MME: variants seen among roughly 807,000 people sequenced by gnomAD.
MME encodes membrane metalloendopeptidase, also known as neprilysin.
In MME, 98 loss-of-function variants were observed where a neutral mutation model predicts 113.2. That is an observed-to-expected ratio of 0.87 (90% CI 0.74 to 1.02). The LOEUF is 1.02. Ranked by LOEUF, MME falls within the 50% of genes least tolerant of loss-of-function variation. MME has a pLI of 0.00. For synonymous variants in MME, 292 were observed against 300.6 expected, an observed-to-expected ratio of 0.97 and a Z score of 0.30; for missense variants, 836 against 896.0, an observed-to-expected ratio of 0.93 and a Z score of 0.86.
intron 7 of MME, 52 bp from the exon 8 acceptor site, chr3:155,118,694 C>T: frequency 8.1e-7 from 1 of 1,238,796 alleles, no homozygotes; most frequent in Non-Finnish European, 1.2e-6. Context: ...ATTTTTCAAA[C>T]TTTTCTATAT....
At chr3:155,099,396 T>C (rs1340421191) in intron 3 of MME, among the ~76,000 whole-genome samples, 2 of 152,234 alleles carry the variant, frequency 1.3e-5, no homozygotes, top group Admixed American at 6.5e-5. Context: ...AATCTTCCTT[T>C]AATCTTACAT....
chr3:155,138,682 G>A (rs1720827786), intron 9 of MME, among the ~76,000 whole-genome samples: 2 of 152,142 alleles, frequency 1.3e-5, no homozygotes, highest in Admixed American at 6.5e-5. Flanking sequence ...TAGCCATGTG[G>A]CAATGTGATA....
intron 3 of MME, among the ~76,000 whole-genome samples, chr3:155,089,011 T>C (rs1716041990): frequency 6.6e-6 from 1 of 152,186 alleles, no homozygotes; most frequent in African/African-American, 2.4e-5. Context: ...TTCAAATCTG[T>C]TTGGTGTTAC....
intron 1 of MME, among the ~76,000 whole-genome samples, chr3:155,034,804 A>G (rs1255514912): frequency 1.3e-5 from 2 of 152,220 alleles, no homozygotes; most frequent in Non-Finnish European, 2.9e-5. Flanking sequence ...TCTGTTAGTC[A>G]GTTTGGAAAT....
intron 1 of MME, among the ~76,000 whole-genome samples, chr3:155,038,668 A>G (rs1319537479): frequency 6.6e-6 from 1 of 152,210 alleles, no homozygotes; most frequent in Non-Finnish European, 1.5e-5. Flanking sequence ...TGCAGATAGT[A>G]CTGAACCCTG....
intron 1 of MME, among the ~76,000 whole-genome samples, chr3:155,028,908 A>G (rs2108112068): frequency 6.6e-6 from 1 of 152,314 alleles, no homozygotes; most frequent in East Asian, 1.9e-4. Context: ...TTGGGGAAGT[A>G]CAGCAAATAT....
chr3:155,182,216 G>A lies in MME; in HGVS notation c.*1757G>A, dbSNP rs1713163166. 6.6e-6 allele frequency: 1 copy of A among 152,156 alleles called. No homozygotes were observed. Among genetic ancestry groups the A allele is most frequent in the Admixed American group, 6.6e-5 (1 of 15,264 alleles). The allele number at this position is 152,156 out of a possible 1,614,324, so 9.4% of individuals were successfully genotyped here. A position where few individuals can be genotyped will look rare whatever the true frequency, so the allele number is the denominator to read the frequency against. On this transcript the variant is annotated 3_prime_UTR_variant, in exon 23 of 23. Coordinates refer to ENST00000360490, the MANE Select transcript of MME (RefSeq NM_007289.4). Reference sequence around the variant, plus strand: ...GCTTCTTTCTCTCAGCCTTACATTTGTGAGATTCCTCTGTATTGTGCTGAT... The same window carrying A: ...GCTTCTTTCTCTCAGCCTTACATTTATGAGATTCCTCTGTATTGTGCTGAT...
intron 1 of MME, among the ~76,000 whole-genome samples, chr3:155,061,661 G>GTTTT (rs1194964540): frequency 1.5e-5 from 2 of 133,732 alleles, no homozygotes; most frequent in African/African-American, 2.8e-5. Context: ...TTATCTGTAG[G>GTTTT]TTTTTTTTTT....
chr3:155,136,755 C>T (rs544620335), intron 8 of MME, among the ~76,000 whole-genome samples: 1 of 152,242 alleles, frequency 6.6e-6, no homozygotes, highest in South Asian at 2.1e-4. Flanking sequence ...TATGGATGTT[C>T]CTTCCACTTC....
At chr3:155,058,171 C>G (rs1237421942) in intron 1 of MME, among the ~76,000 whole-genome samples, 1 of 152,098 alleles carries the variant, frequency 6.6e-6, no homozygotes, top group Non-Finnish European at 1.5e-5. Context: ...TAAATTCATA[C>G]AGCAAGTCAA....
rs778238089 is a variant in MME at position 155,116,467 on chromosome 3, G to A, written c.359-12G>A. Reference sequence around the variant, plus strand: ...ATTATGTTGATGCATTTTATTAAATGTCCTATTTCAGATGTCCTTCAAGAA... The same window carrying A: ...ATTATGTTGATGCATTTTATTAAATATCCTATTTCAGATGTCCTTCAAGAA... On this transcript the variant is annotated splice_polypyrimidine_tract_variant and intron_variant, in intron 4 of 22. Coordinates refer to ENST00000360490, the MANE Select transcript of MME (RefSeq NM_007289.4). The A allele has an allele frequency of 6.3e-7, 1 of 1,577,386 alleles. No homozygotes were observed. Among genetic ancestry groups the A allele is most frequent in the Non-Finnish European group, 8.7e-7 (1 of 1,146,974 alleles).
At chr3:155,127,004 T>C (rs1251881689) in intron 8 of MME, among the ~76,000 whole-genome samples, 6 of 128,406 alleles carry the variant, frequency 4.7e-5, no homozygotes, top group Admixed American at 1.7e-4. Flanking sequence ...CGAAACTCCA[T>C]CTCAAAAAAA....
chr3:155,114,907 A>G (rs1718469750), intron 3 of MME, 87 bp from the exon 4 acceptor site: 1 of 1,375,990 alleles, frequency 7.3e-7, no homozygotes, highest in Non-Finnish European at 1.0e-6. Flanking sequence ...TGATGCAATC[A>G]AAAGGGAGCA....
Position 155,182,256 on chromosome 3 carries a change from T to G in MME, c.*1797T>G, listed in dbSNP as rs201975248. The G allele has an allele frequency of 6.6e-6, 1 of 152,244 alleles. No individual in the cohort carries two copies. Among genetic ancestry groups the G allele is most frequent in the Non-Finnish European group, 1.5e-5 (1 of 68,044 alleles). The allele number at this position is 152,244 out of a possible 1,614,324, so 9.4% of individuals were successfully genotyped here. A position where few individuals can be genotyped will look rare whatever the true frequency, so the allele number is the denominator to read the frequency against. ...ATTGTGCTGATTGTGGATCTTTTCA[T>G]TCTCATTGCAGAATAATGTTCTATT... On this transcript the variant is annotated 3_prime_UTR_variant, in exon 23 of 23. Coordinates refer to ENST00000360490, the MANE Select transcript of MME (RefSeq NM_007289.4).
chr3:155,090,491 A>G (rs1716193692), intron 3 of MME: 1 of 152,216 alleles, frequency 6.6e-6, no homozygotes, highest in Non-Finnish European at 1.5e-5. Flanking sequence ...AATAAAAAAT[A>G]AAACGATTAT....
At chr3:155,068,258 C>A (rs1335503432) in intron 1 of MME, among the ~76,000 whole-genome samples, 1 of 152,100 alleles carries the variant, frequency 6.6e-6, no homozygotes, top group Non-Finnish European at 1.5e-5. Flanking sequence ...GAGAGGCAAT[C>A]AATGGTTGCC....
intron 1 of MME, among the ~76,000 whole-genome samples, chr3:155,056,840 T>C (rs1300984109): frequency 1.3e-5 from 2 of 152,136 alleles, no homozygotes; most frequent in Non-Finnish European, 2.9e-5. Flanking sequence ...AAACAAGCAA[T>C]GGGGAAAGGA....
At chr3:155,029,782 A>G (rs1289608720) in intron 1 of MME, among the ~76,000 whole-genome samples, 1 of 152,140 alleles carries the variant, frequency 6.6e-6, no homozygotes, top group Non-Finnish European at 1.5e-5. Flanking sequence ...ACGAAAAGGC[A>G]TTTGAGTTAG....
In MME at chr3:155,116,490, G is replaced by A. The variant is rs58186318; in HGVS notation, c.370G>A (p.Glu124Lys). The change falls in exon 5 of 23, where the codon GAA becomes AAA. Residue 124 changes from glutamate to lysine, a missense_variant. Glu to Lys is a moderately conservative substitution (Grantham distance 56). Transcript: ENST00000360490. ...LEVVLKDVLQ[E>K]PKTEDIVAVQ... ...ATGTCCTATTTCAGATGTCCTTCAA[G>A]AACCCAAAACTGAAGATATAGTAGC... 2 of 1,610,986 alleles carry A rather than the reference G, an allele frequency of 1.2e-6. No homozygotes were observed. Among genetic ancestry groups the A allele is most frequent in the East Asian group, 2.2e-5 (1 of 44,778 alleles).
Sources: gnomAD v4.1 joint callset for allele counts (sites outside exome capture counted in the v4.1 genomes callset) on GRCh38, gnomAD v4.1.1 for gene constraint, MANE v1.5 for transcripts, NCBI Gene and HGNC (gene_info 2026-07-23, HGNC 2026-07-21) for gene names.